GLMN: variants seen among roughly 807,000 people sequenced by gnomAD.
GLMN encodes glomulin, FKBP associated protein, also known as glomulin.
A neutral mutation model predicts 87.8 loss-of-function variants in GLMN; 75 were observed. The ratio of observed to expected loss-of-function variants is 0.85; its 90% confidence interval spans 0.71 to 1.04. GLMN has a LOEUF of 1.04. Ranked by LOEUF, GLMN falls within the 50% of genes least tolerant of loss-of-function variation. The pLI, the probability that GLMN is intolerant of heterozygous loss-of-function variation, is 0.00. For synonymous variants in GLMN, 206 were observed against 221.6 expected (o/e 0.93, Z 0.63); for missense variants, 588 against 658.8 (o/e 0.89, Z 1.18).
chr1:92,306,235 G>A, the GLMN span, among the ~76,000 whole-genome samples: 3 of 152,156 alleles, frequency 2.0e-5, no homozygotes, highest in Non-Finnish European at 4.4e-5. Context: ...GGAAGTTAGT[G>A]TATAGGGTTT....
the GLMN span, among the ~76,000 whole-genome samples, chr1:92,338,496 A>G: frequency 2.0e-5 from 3 of 152,232 alleles, no homozygotes; most frequent in Non-Finnish European, 4.4e-5. Context: ...ACAACTGTCT[A>G]CACTGATGAT....
upstream of GLMN, among the ~76,000 whole-genome samples, chr1:92,301,929 T>A (rs1650883894): frequency 1.3e-5 from 2 of 152,218 alleles, no homozygotes; most frequent in South Asian, 4.1e-4. Context: ...TTGCTCAATG[T>A]ATACATGTGT....
chr1:92,338,042 TTAC>T, the GLMN span, among the ~76,000 whole-genome samples: 1 of 152,218 alleles, frequency 6.6e-6, no homozygotes. Context: ...TTGAAAGTTA[TTAC>T]TGATTGTTTT....
chr1:92,321,296 A>G, the GLMN span, among the ~76,000 whole-genome samples: 26 of 152,160 alleles, frequency 1.7e-4, no homozygotes, highest in African/African-American at 6.0e-4. Flanking sequence ...ATGAAAGTTA[A>G]ATTGTTCTAA....
chr1:92,354,494 A>C, the GLMN span, among the ~76,000 whole-genome samples: 2 of 152,214 alleles, frequency 1.3e-5, no homozygotes, highest in Non-Finnish European at 2.9e-5. Context: ...CCTATGTGTA[A>C]TATATCACCA....
intron 3 of GLMN, among the ~76,000 whole-genome samples, chr1:92,297,115 C>CTTTTTTTTT (rs1034040272): frequency 8.5e-6 from 1 of 118,324 alleles, no homozygotes; most frequent in Admixed American, 8.5e-5. Context: ...TGTTTCTTTT[C>CTTTTTTTTT]TTTTTTTTTT....
Position 92,246,641 on chromosome 1 carries a change from C to A in GLMN, c.1674G>T (p.Leu558=). The change falls in exon 19 of 19, where the codon CTG becomes CTT. Residue 558 remains leucine, a synonymous_variant. Transcript: ENST00000370360. ...AATCAAATGTGAAAAGAGCTGAATG[C>A]AGGACCTGCAATGCCAAGAAAAAGT... ...NMPPEMQLKV[L]HSALFTFDLI... is the part of the protein sequence containing the mutation. 1.3e-6 allele frequency: 2 copies of A among 1,506,764 alleles called. No homozygotes were observed. Among genetic ancestry groups the A allele is most frequent in the Non-Finnish European group, 1.8e-6 (2 of 1,082,026 alleles). The allele number at this position is 1,506,764 out of a possible 1,614,324, so 93.3% of individuals were successfully genotyped here.
upstream of GLMN, chr1:92,299,008 G>A (rs923803551): frequency 4.9e-6 from 4 of 812,682 alleles, no homozygotes; most frequent in African/African-American, 7.2e-5. Flanking sequence ...CGCGCTACGC[G>A]TAGGGAGGCG....
intron 7 of GLMN, among the ~76,000 whole-genome samples, chr1:92,275,292 C>T (rs1647201558): frequency 1.3e-5 from 2 of 152,180 alleles, no homozygotes; most frequent in Admixed American, 1.3e-4. Flanking sequence ...GTTTGACTCC[C>T]CTCAATTGTA....
At chr1:92,362,979 T>C in the GLMN span, among the ~76,000 whole-genome samples, 1 of 152,184 alleles carries the variant, frequency 6.6e-6, no homozygotes, top group Non-Finnish European at 1.5e-5. Context: ...TAAGTGCCAC[T>C]AGCTAATTCT....
chr1:92,262,190 T>TA (rs1009284156), intron 16 of GLMN, among the ~76,000 whole-genome samples: 65 of 150,964 alleles, frequency 4.3e-4, no homozygotes, highest in Admixed American at 1.8e-3. Flanking sequence ...AATGAATTAC[T>TA]AAAAAAAAAC....
intron 13 of GLMN, among the ~76,000 whole-genome samples, chr1:92,265,617 A>T (rs1570890218): frequency 6.6e-6 from 1 of 152,004 alleles, no homozygotes; most frequent in Non-Finnish European, 1.5e-5. Flanking sequence ...CTCCACAAAA[A>T]AATTAGCTGG....
At chr1:92,314,821 G>T in the GLMN span, among the ~76,000 whole-genome samples, 1,182 of 151,550 alleles carry the variant, frequency 7.8e-3, 6 homozygotes, top group African/African-American at 0.027. Flanking sequence ...AAGGCAGGTG[G>T]ATCACCTGAG....
At chr1:92,303,441 T>C (rs2101103092), upstream of GLMN, among the ~76,000 whole-genome samples, 1 of 152,366 alleles carries the variant, frequency 6.6e-6, no homozygotes, top group African/African-American at 2.4e-5. Context: ...AAATATTTGA[T>C]GTTAGCTTAT....
intron 9 of GLMN, among the ~76,000 whole-genome samples, chr1:92,269,367 A>G (rs181434699): frequency 7.2e-5 from 11 of 152,316 alleles, no homozygotes; most frequent in Admixed American, 7.2e-4. Flanking sequence ...AAGGAAAAAT[A>G]CGGAAGAACT....
the GLMN span, among the ~76,000 whole-genome samples, chr1:92,350,434 T>A: frequency 6.6e-6 from 1 of 152,184 alleles, no homozygotes; most frequent in Admixed American, 6.5e-5. Flanking sequence ...GATTTATTGC[T>A]TAAGTACTTG....
chr1:92,268,758 A>G (rs529332541), intron 9 of GLMN, among the ~76,000 whole-genome samples: 4 of 152,298 alleles, frequency 2.6e-5, no homozygotes, highest in African/African-American at 9.6e-5. Flanking sequence ...ATAAACTGTC[A>G]CTAGTGTTCA....
the GLMN span, among the ~76,000 whole-genome samples, chr1:92,310,861 C>A: frequency 6.6e-6 from 1 of 152,142 alleles, no homozygotes; most frequent in Non-Finnish European, 1.5e-5. Context: ...CACACCATTG[C>A]GCTCCAGCCT....
intron 7 of GLMN, among the ~76,000 whole-genome samples, chr1:92,281,993 A>G (rs939200992): frequency 2.0e-5 from 3 of 152,218 alleles, no homozygotes; most frequent in Non-Finnish European, 4.4e-5. Context: ...AGAGACCTAC[A>G]AAGATACTTA....
Sources: allele counts gnomAD v4.1 joint callset (sites outside exome capture counted in the v4.1 genomes callset), GRCh38; gene constraint gnomAD v4.1.1; transcripts MANE v1.5; gene names NCBI Gene and HGNC (gene_info 2026-07-23, HGNC 2026-07-21).